Variants in RBFOX1 observed in about 807,000 individuals in gnomAD.
RBFOX1 encodes the protein RNA binding fox-1 homolog 1, also known as RNA binding protein fox-1 homolog 1.
Under a neutral mutation model 57.7 loss-of-function variants are expected in RBFOX1, and 8 were observed. That is an observed-to-expected ratio of 0.14 (90% confidence interval 0.08 to 0.25). The LOEUF (loss-of-function observed/expected upper bound fraction) is 0.25. RBFOX1 is among the 10% of genes least tolerant of loss of function. The pLI, the probability that RBFOX1 is intolerant of heterozygous loss-of-function variation, is 1.00. For missense variants in RBFOX1, 611 were observed against 548.5 expected (o/e 1.11, Z -1.14); for synonymous variants, 326 against 222.4 (o/e 1.47, Z -4.15).
intron 11 of RBFOX1, among the ~76,000 whole-genome samples, chr16:7,647,219 G>C (rs1015759322): frequency 6.6e-6 from 1 of 152,174 alleles, no homozygotes; most frequent in African/African-American, 2.4e-5. Context: ...TGAAGGGTGA[G>C]AGTGGGTGGG....
intron 1 of RBFOX1, among the ~76,000 whole-genome samples, chr16:5,300,560 A>G (rs1043783946): frequency 7.2e-5 from 11 of 152,208 alleles, no homozygotes; most frequent in Admixed American, 6.5e-4. Context: ...ATTTTCTGAA[A>G]GAATTTAAGT....
At chr16:6,977,884 G>C (rs1179289725) in intron 3 of RBFOX1, among the ~76,000 whole-genome samples, 1 of 146,264 alleles carries the variant, frequency 6.8e-6, no homozygotes, top group Admixed American at 6.9e-5. Flanking sequence ...GTGAGCTGAG[G>C]GGACTCTCTA....
At chr16:7,617,044 G>C (rs1472634364) in intron 10 of RBFOX1, among the ~76,000 whole-genome samples, 1 of 151,854 alleles carries the variant, frequency 6.6e-6, no homozygotes, top group East Asian at 1.9e-4. Context: ...AATGATGGTA[G>C]TAGTGAGGAT....
chr16:5,482,205 G>A (rs967567691), intron 2 of RBFOX1, among the ~76,000 whole-genome samples: 6 of 152,174 alleles, frequency 3.9e-5, no homozygotes, highest in Admixed American at 6.5e-5. Context: ...TGTTCCAGAT[G>A]AGCCATGGAG....
chr16:6,656,286 A>G (rs11643370), intron 3 of RBFOX1, among the ~76,000 whole-genome samples: 113,769 of 152,090 alleles, frequency 0.75, 42,618 homozygotes, highest in Admixed American at 0.78. Flanking sequence ...GAATTCATCA[A>G]CATGTTTTGT....
At chr16:6,059,056 C>G (rs1200051718) in intron 1 of RBFOX1, 1 of 152,224 alleles carries the variant, frequency 6.6e-6, no homozygotes, top group Admixed American at 6.5e-5. Flanking sequence ...ACATGCACTA[C>G]TATTAATAGA....
chr16:6,851,306 C>T (rs1023090504), intron 3 of RBFOX1, among the ~76,000 whole-genome samples: 2 of 152,054 alleles, frequency 1.3e-5, no homozygotes, highest in Non-Finnish European at 2.9e-5. Flanking sequence ...AGGGTGTGGT[C>T]ATAGAAGGCG....
At chr16:6,019,016 C>T (rs2095019858), upstream of RBFOX1, 22 of 863,844 alleles carry the variant, frequency 2.5e-5, no homozygotes, top group Non-Finnish European at 2.9e-5. The surrounding 1 kb of genome is among the most constrained non-coding windows in gnomAD (Gnocchi z 4.2). Context: ...GGCGCTCCCT[C>T]GCGCACCAGA....
rs577882959 is a variant in RBFOX1, at chr16:5,407,236, C to T, written c.220-59980C>T. On this transcript the variant is annotated intron_variant, in intron 1 of 2. Coordinates refer to the RBFOX1 transcript ENST00000585867. ...TATCATGAGAACAGCATGGGGGAAA[C>T]TGCTCCATGATCCAGTCCCCTCCCA... is the stretch of plus-strand genomic sequence containing the variant. 5.3e-5 allele frequency among the ~76,000 whole-genome samples: 8 copies of T among 152,306 alleles called. No homozygotes were observed. The South Asian group carries it at 1.7e-3, about 32-fold the overall frequency.
chr16:6,788,852 C>T (rs1457878410), intron 3 of RBFOX1, among the ~76,000 whole-genome samples: 4 of 152,058 alleles, frequency 2.6e-5, no homozygotes, highest in East Asian at 1.9e-4. Flanking sequence ...AAAATGGCAT[C>T]GCCTCACTTC....
chr16:5,632,079 A>C lies in RBFOX1; in HGVS notation c.318+33118A>C, dbSNP rs2048528736. On this transcript the variant is annotated intron_variant, in intron 3 of 19. Coordinates refer to the RBFOX1 transcript ENST00000641259. ...AGCTAGGAAGCCAAGGAGGGCACAG[A>C]GGTACCAGAGGAAGGGCATCTGTGT... is the stretch of plus-strand genomic sequence containing the variant. Among the ~76,000 whole-genome samples the C allele has an allele frequency of 2.6e-5, 4 of 152,368 alleles. No homozygotes were observed. In the South Asian group the frequency reaches 8.3e-4, roughly 32 times the overall value.
intron 4 of RBFOX1, among the ~76,000 whole-genome samples, chr16:7,162,845 G>C (rs556785144): frequency 6.6e-6 from 1 of 152,112 alleles, no homozygotes; most frequent in Non-Finnish European, 1.5e-5. Context: ...AAGAATTATA[G>C]ACTTCAAAGC....
chr16:6,582,558 T>A (rs1671454967), intron 2 of RBFOX1, among the ~76,000 whole-genome samples: 2 of 151,984 alleles, frequency 1.3e-5, no homozygotes, highest in Admixed American at 6.6e-5. Context: ...ATCTATTAAT[T>A]CTGGGCCTCC....
intron 12 of RBFOX1, among the ~76,000 whole-genome samples, chr16:7,654,285 G>A (rs569685254): frequency 2.6e-5 from 4 of 152,312 alleles, no homozygotes; most frequent in Admixed American, 2.0e-4. Context: ...TATTAAGGAG[G>A]TTGGACCACA....
chr16:5,918,927 A>G (rs2058762227), intron 4 of RBFOX1, among the ~76,000 whole-genome samples: 1 of 152,188 alleles, frequency 6.6e-6, no homozygotes, highest in African/African-American at 2.4e-5. Flanking sequence ...CTGGCTCTAC[A>G]GGTGCTCAAG....
At chr16:5,664,282 G>A (rs1378661974) in intron 3 of RBFOX1, among the ~76,000 whole-genome samples, 1 of 152,208 alleles carries the variant, frequency 6.6e-6, no homozygotes, top group Non-Finnish European at 1.5e-5. Context: ...GGGCGCAGTG[G>A]CTCACGCCTA....
chr16:7,064,075 C>G (rs553542923), intron 4 of RBFOX1, among the ~76,000 whole-genome samples: 3 of 151,752 alleles, frequency 2.0e-5, no homozygotes, highest in South Asian at 2.1e-4. Context: ...CAGAATGTGA[C>G]TGTACTTGAA....
intron 4 of RBFOX1, among the ~76,000 whole-genome samples, chr16:7,094,544 C>G (rs1386534716): frequency 6.6e-6 from 1 of 152,004 alleles, no homozygotes; most frequent in Non-Finnish European, 1.5e-5. Flanking sequence ...CTGATGTTAT[C>G]ATTCGAAGTC....
intron 5 of RBFOX1, among the ~76,000 whole-genome samples, chr16:7,544,139 A>T (rs1009619399): frequency 6.6e-6 from 1 of 152,208 alleles, no homozygotes; most frequent in Non-Finnish European, 1.5e-5. Flanking sequence ...ATTGAAACCA[A>T]CGCTTACTCC....
Sources: gnomAD v4.1 joint callset for allele counts (sites outside exome capture counted in the v4.1 genomes callset) on GRCh38, gnomAD v4.1.1 for gene constraint, Gnocchi (gnomAD v3.1) non-coding constraint, MANE v1.5 for transcripts, NCBI Gene and HGNC (gene_info 2026-07-23, HGNC 2026-07-21) for gene names.